SLC24A4: variants seen among roughly 807,000 people sequenced by gnomAD.
The protein encoded by SLC24A4 is sodium/potassium/calcium exchanger 4.
SLC24A4 carries 53 observed loss-of-function variants against 79.0 expected under a neutral mutation model. The ratio of observed to expected loss-of-function variants is 0.67; its 90% CI spans 0.54 to 0.84. SLC24A4 has a LOEUF of 0.84. Among genes scored for constraint, SLC24A4 ranks in the 40% least tolerant of loss-of-function variants. SLC24A4 has a pLI of 0.00. For synonymous variants in SLC24A4, 323 were observed against 323.8 expected, an observed-to-expected ratio of 1.00 and a Z score of 0.03; for missense variants, 731 against 822.0, an observed-to-expected ratio of 0.89 and a Z score of 1.35.
At chr14:92,341,868 T>C (rs1886163558) in intron 2 of SLC24A4, among the ~76,000 whole-genome samples, 1 of 152,218 alleles carries the variant, frequency 6.6e-6, no homozygotes, top group Non-Finnish European at 1.5e-5. Flanking sequence ...TCTCTGGGCC[T>C]CAGAGGTGGC....
At chr14:92,476,349 A>C (rs1894762801) in intron 12 of SLC24A4, among the ~76,000 whole-genome samples, 1 of 152,238 alleles carries the variant, frequency 6.6e-6, no homozygotes, top group Admixed American at 6.5e-5. Context: ...AGGGACTACA[A>C]GCTACAGAAA....
intron 2 of SLC24A4, among the ~76,000 whole-genome samples, chr14:92,373,190 ACACG>A (rs71123341): frequency 3.7e-4 from 21 of 57,170 alleles, no homozygotes; most frequent in Admixed American, 7.2e-4. Flanking sequence ...ACACACACAC[ACACG>A]CACACACACA....
At chr14:92,480,144 A>T (rs1595353469) in intron 12 of SLC24A4, among the ~76,000 whole-genome samples, 1 of 148,488 alleles carries the variant, frequency 6.7e-6, no homozygotes, top group Non-Finnish European at 1.5e-5. Flanking sequence ...GATTCTTTGT[A>T]TTTTTTTTTA....
At chr14:92,436,196 T>G (rs1892155914) in intron 3 of SLC24A4, among the ~76,000 whole-genome samples, 3 of 152,172 alleles carry the variant, frequency 2.0e-5, no homozygotes, top group African/African-American at 7.2e-5. Context: ...GGAAGAGAGA[T>G]CATGCAAGAG....
intron 2 of SLC24A4, among the ~76,000 whole-genome samples, chr14:92,368,059 A>G (rs1887950931): frequency 6.6e-6 from 1 of 152,238 alleles, no homozygotes; most frequent in African/African-American, 2.4e-5. Context: ...TCTAGGAAAG[A>G]TACGGGAAGC....
intron 16 of SLC24A4, 101 bp from the exon 17 acceptor site, chr14:92,493,375 A>C: frequency 2.1e-6 from 3 of 1,411,138 alleles, no homozygotes; most frequent in Non-Finnish European, 2.9e-6. Flanking sequence ...CACATTCTGC[A>C]GAATGTTCTA....
At position 92,491,687 on chromosome 14, in the gene SLC24A4, C is replaced by T. The variant is rs1895677770; in HGVS notation, c.1560C>T (p.Ser520=). The part of the protein sequence containing the change: ...ARQGLGDMAV[S]NTIGSNVFDI... Reference sequence around the variant, plus strand: ...CAGGCCTTGGGGACATGGCAGTCTCCAACACCATAGGAAGCAACGTGTTTG... The same window carrying T: ...CAGGCCTTGGGGACATGGCAGTCTCTAACACCATAGGAAGCAACGTGTTTG... Residue 520 remains serine (S), a synonymous_variant, in exon 15 of 17, where the codon TCC becomes TCT. Transcript: ENST00000532405. The T allele has an allele frequency of 6.2e-7, 1 of 1,613,788 alleles. No individual in the cohort carries two copies. The highest frequency in any genetic ancestry group is 1.1e-5 in the South Asian group (1 of 91,084).
intron 2 of SLC24A4, among the ~76,000 whole-genome samples, chr14:92,425,563 C>A (rs540618419): frequency 5.6e-4 from 85 of 152,324 alleles, no homozygotes; most frequent in African/African-American, 2.0e-3. Flanking sequence ...TCCTGTTGTC[C>A]TGTATGGACC....
intron 2 of SLC24A4, among the ~76,000 whole-genome samples, chr14:92,429,032 T>C (rs1465711047): frequency 6.6e-6 from 1 of 152,220 alleles, no homozygotes; most frequent in Non-Finnish European, 1.5e-5. Context: ...GTGTTTCCAC[T>C]GGCAGTCGAG....
Position 92,484,658 on chromosome 14 carries a change from G to A in SLC24A4, c.1422+1812G>A, listed in dbSNP as rs139332493. ...AGGCACTCACACTTGGAACACCCTG[G>A]CCTTGGTTCAGCTAAATGGGGGACA... On this transcript the variant is annotated intron_variant, in intron 13 of 16. Transcript: ENST00000532405. 131 of 985,334 alleles carry A rather than the reference G, an allele frequency of 1.3e-4. No homozygotes were observed. In the African/African-American group the frequency reaches 2.2e-3, roughly 17 times the overall value. The allele number at this position is 985,334 out of a possible 1,614,324, so 61.0% of individuals were successfully genotyped here.
intron 2 of SLC24A4, among the ~76,000 whole-genome samples, chr14:92,370,959 G>T (rs1888119078): frequency 6.6e-6 from 1 of 152,196 alleles, no homozygotes; most frequent in Admixed American, 6.5e-5. Flanking sequence ...AAAATTAGGT[G>T]TTCCAGCCTG....
intron 2 of SLC24A4, among the ~76,000 whole-genome samples, chr14:92,383,273 C>T (rs941156412): frequency 4.6e-5 from 7 of 152,224 alleles, no homozygotes; most frequent in Non-Finnish European, 1.0e-4. Context: ...AGTCTATCCT[C>T]ATTCTGTGCC....
At chr14:92,449,638 C>T (rs894416349) in intron 10 of SLC24A4, among the ~76,000 whole-genome samples, 10 of 152,190 alleles carry the variant, frequency 6.6e-5, no homozygotes, top group Non-Finnish European at 1.5e-5. Context: ...TCTCAAATGC[C>T]AGACCCAGTC....
chr14:92,324,018 C>G (rs1468724653), intron 1 of SLC24A4, 58 bp downstream of exon 1: 1 of 1,566,132 alleles, frequency 6.4e-7, no homozygotes, highest in African/African-American at 1.4e-5. Context: ...GCTGGGGAGT[C>G]TCGGGGCGGC....
intron 2 of SLC24A4, among the ~76,000 whole-genome samples, chr14:92,391,409 G>A (rs769479076): frequency 6.6e-6 from 1 of 152,214 alleles, no homozygotes; most frequent in African/African-American, 2.4e-5. Flanking sequence ...TAAACACTGG[G>A]TTTCCCTAAA....
At chr14:92,412,771 C>T (rs112523908) in intron 2 of SLC24A4, among the ~76,000 whole-genome samples, 9 of 152,270 alleles carry the variant, frequency 5.9e-5, no homozygotes, top group African/African-American at 9.6e-5. Flanking sequence ...TCCTTCCCAC[C>T]GCCTCACCAC....
intron 2 of SLC24A4, among the ~76,000 whole-genome samples, chr14:92,417,888 T>C (rs774493693): frequency 2.6e-4 from 39 of 152,222 alleles, no homozygotes; most frequent in Non-Finnish European, 5.3e-4. Context: ...AAGTGTACTC[T>C]AGGATGCTCG....
At chr14:92,418,965 G>A (rs564588684) in intron 2 of SLC24A4, among the ~76,000 whole-genome samples, 9 of 152,156 alleles carry the variant, frequency 5.9e-5, no homozygotes, top group Non-Finnish European at 1.0e-4. Flanking sequence ...GCCTCCCAAA[G>A]TGCTGGGATT....
intron 2 of SLC24A4, among the ~76,000 whole-genome samples, chr14:92,331,172 G>T (rs777124703): frequency 4.6e-5 from 7 of 152,156 alleles, no homozygotes; most frequent in African/African-American, 1.2e-4. Context: ...GCTTGTCATC[G>T]CCACCTTCAC....
Sources: gnomAD v4.1 joint callset for allele counts (sites outside exome capture counted in the v4.1 genomes callset) on GRCh38, gnomAD v4.1.1 for gene constraint, MANE v1.5 for transcripts, NCBI Gene and HGNC (gene_info 2026-07-23, HGNC 2026-07-21) for gene names.